GPC4: variants seen among roughly 807,000 people sequenced by gnomAD.
GPC4 encodes glypican-4.
A neutral mutation model predicts 35.0 loss-of-function variants in GPC4; 10 were observed. The ratio of observed to expected loss-of-function variants is 0.29; its 90% confidence interval spans 0.18 to 0.48. The LOEUF (loss-of-function observed/expected upper bound fraction) is 0.48, where lower values mean the gene tolerates loss of function less well. Among genes scored for constraint, GPC4 ranks in the 20% least tolerant of loss-of-function variants. The probability of loss-of-function intolerance (pLI) is 0.99; values close to 1 mark genes in which losing one functional copy is unlikely to be tolerated. For synonymous variants in GPC4, 167 were observed against 170.2 expected, an observed-to-expected ratio of 0.98 and a Z score of 0.15; for missense variants, 322 against 451.3, an observed-to-expected ratio of 0.71 and a Z score of 2.60.
rs757244060 is a variant in GPC4, at chrX:133,414,821, G to A, written c.145C>T (p.Leu49Phe). The A allele has an allele frequency of 8.3e-7, 1 of 1,210,323 alleles. No homozygotes were observed. Among genetic ancestry groups the A allele is most frequent in the Non-Finnish European group, 1.1e-6 (1 of 894,985 alleles). ...GCCCACCTACCGTTGATCTCGTGGA[G>A]GGGGGCATCGTTCTTGTTGAAGCCT... ...SKGFNKNDAPLHEINGDHLKI... is the reference protein window; with the variant it reads ...SKGFNKNDAPFHEINGDHLKI... Residue 49 changes from leucine (L) to phenylalanine (F), a missense_variant, in exon 1 of 9, where the codon CTC becomes TTC. Coordinates refer to ENST00000370828, the MANE Select transcript of GPC4 (RefSeq NM_001448.3).
intron 1 of GPC4, among the ~76,000 whole-genome samples, chrX:133,402,992 G>A (rs1603098740): frequency 2.7e-5 from 3 of 110,217 alleles, no homozygotes; most frequent in South Asian, 7.8e-4. Context: ...AACAGACAGC[G>A]TAAGAAGTAG....
At position 133,397,505 on chromosome X, in the gene GPC4, C is replaced by T. The variant is rs907695483; in HGVS notation, c.160+17301G>A. Reference sequence around the variant, plus strand: ...CTGGGAGGTTGAGGCTGCAGTGAGCCGTGATCACACCACTGCCCTCCAGGG... The same window carrying T: ...CTGGGAGGTTGAGGCTGCAGTGAGCTGTGATCACACCACTGCCCTCCAGGG... On this transcript the variant is annotated intron_variant, in intron 1 of 8. Coordinates refer to ENST00000370828, the MANE Select transcript of GPC4 (RefSeq NM_001448.3). Among the ~76,000 whole-genome samples the T allele has an allele frequency of 4.6e-5, 5 of 108,887 alleles. No homozygotes were observed. In the East Asian group the frequency reaches 1.2e-3, roughly 25 times the overall value. The allele number at this position is 108,887 out of a possible 115,157, so 94.6% of individuals were successfully genotyped here. A position where few individuals can be genotyped will look rare whatever the true frequency, so the allele number is the denominator to read the frequency against.
intron 1 of GPC4, among the ~76,000 whole-genome samples, chrX:133,379,309 A>G (rs1052380120): frequency 2.7e-5 from 3 of 112,488 alleles, no homozygotes; most frequent in African/African-American, 9.7e-5. Context: ...GAAAGAAACT[A>G]GACACAAAAG....
chrX:133,354,556 A>ATTTTTTTT (rs1569348986), intron 1 of GPC4, among the ~76,000 whole-genome samples: 8 of 91,326 alleles, frequency 8.8e-5, no homozygotes, highest in African/African-American at 4.1e-4. Context: ...TTATTTATTT[A>ATTTTTTTT]TTTATTTATT....
At chrX:133,332,903 T>C (rs369322613) in intron 2 of GPC4, among the ~76,000 whole-genome samples, 103 of 112,609 alleles carry the variant, frequency 9.1e-4, no homozygotes, top group African/African-American at 3.0e-3. Context: ...ACTAAATCAA[T>C]GAGTATGAAC....
chrX:133,303,335 C>G lies in GPC4; in HGVS notation c.1299G>C (p.Leu433=). The G allele has an allele frequency of 8.3e-7, 1 of 1,206,024 alleles. No individual in the cohort carries two copies. The highest frequency in any genetic ancestry group is 1.1e-6 in the Non-Finnish European group (1 of 892,738). Residue 433 remains leucine, a synonymous_variant, in exon 8 of 9, where the codon CTG becomes CTC. Coordinates refer to ENST00000370828, the MANE Select transcript of GPC4 (RefSeq NM_001448.3). ...CTAATCCATTTCCTGTCACTGCAAA[C>G]AGGTACCTGGAATGTAAAATGACCC... is the stretch of plus-strand genomic sequence containing the variant. ...CWNGKGKSRY[L]FAVTGNGLAN...
In GPC4 at chrX:133,342,809, GT is replaced by G. The variant is rs59935665; in HGVS notation, c.161-3469del. Among the ~76,000 whole-genome samples the G allele has an allele frequency of 2.3e-3, 248 of 106,312 alleles. 3 individuals are homozygous for G. Among genetic ancestry groups the G allele is most frequent in the Admixed American group, 0.016 (157 of 9,959 alleles). 92.3% of individuals were successfully genotyped at this position (106,312 alleles called of 115,157 possible). On this transcript the variant is annotated intron_variant, in intron 1 of 8. Transcript: ENST00000370828. ...TTTGAAGACTTGAGCAACTAATTAA[GT>G]TTTTTTTTTTAACTTGAATATTTCT...
chrX:133,347,212 C>T (rs911279492), intron 1 of GPC4, among the ~76,000 whole-genome samples: 2 of 98,332 alleles, frequency 2.0e-5, no homozygotes, highest in Non-Finnish European at 4.0e-5. Flanking sequence ...GTGCTATCTT[C>T]CCAACTTCTG....
chrX:133,339,202 T>G lies in GPC4; in HGVS notation c.300A>C (p.Ser100=). The G allele has an allele frequency of 8.3e-7, 1 of 1,211,561 alleles. No homozygotes were observed. The highest frequency in any genetic ancestry group is 1.1e-6 in the Non-Finnish European group (1 of 895,400). ...ACATACCATCAAACTTCTTGTAACG[T>G]GAAGCAAAGACAGCTTGCAAATGAT... is the stretch of plus-strand genomic sequence containing the variant. The part of the protein sequence containing the change: ...QCNHLQAVFA[S]RYKKFDEFFK... Residue 100 remains serine, a synonymous_variant, in exon 2 of 9, where the codon TCA becomes TCC. Transcript: ENST00000370828.
At chrX:133,412,846 C>T (rs150017626) in intron 1 of GPC4, among the ~76,000 whole-genome samples, 157 of 112,196 alleles carry the variant, frequency 1.4e-3, no homozygotes, top group African/African-American at 4.9e-3. Context: ...CGAAAGACTG[C>T]ACAGAGCAAA....
At position 133,306,281 on chromosome X, in the gene GPC4, A is replaced by C. The variant is rs112828921; in HGVS notation, c.878-127T>G. The C allele has an allele frequency of 5.8e-3, 4,078 of 697,845 alleles. 117 individuals are homozygous for C. In the African/African-American group the frequency reaches 0.076, roughly 13 times the overall value. 57.5% of individuals were successfully genotyped at this position (697,845 alleles called of 1,213,427 possible). A position where few individuals can be genotyped will look rare whatever the true frequency, so the allele number is the denominator to read the frequency against. ...TGGGGGCAGGGGAAGTAAGGCATGGATCATAATGAATTCTTGTTTTTATGT... is the reference window on the plus strand; with the variant it reads ...TGGGGGCAGGGGAAGTAAGGCATGGCTCATAATGAATTCTTGTTTTTATGT... On this transcript the variant is annotated intron_variant, in intron 4 of 8. Coordinates refer to ENST00000370828, the MANE Select transcript of GPC4 (RefSeq NM_001448.3).
At chrX:133,409,973 A>G (rs1041508620) in intron 1 of GPC4, among the ~76,000 whole-genome samples, 2 of 110,290 alleles carry the variant, frequency 1.8e-5, no homozygotes, top group African/African-American at 6.7e-5. Flanking sequence ...TTATCTTCCT[A>G]AAACAGCTTG....
intron 1 of GPC4, among the ~76,000 whole-genome samples, chrX:133,408,254 C>A (rs2068797928): frequency 8.9e-6 from 1 of 112,091 alleles, no homozygotes; most frequent in Non-Finnish European, 1.9e-5. Flanking sequence ...TATTCTGATA[C>A]CCTTCAAAGC....
At chrX:133,326,837 G>A (rs191455964) in intron 2 of GPC4, among the ~76,000 whole-genome samples, 134 of 112,597 alleles carry the variant, frequency 1.2e-3, no homozygotes, top group Non-Finnish European at 1.9e-3. Context: ...TTAAATGTAT[G>A]CAGTACTTTT....
chrX:133,412,427 AT>A (rs1451268134), intron 1 of GPC4, among the ~76,000 whole-genome samples: 2 of 111,595 alleles, frequency 1.8e-5, no homozygotes, highest in Non-Finnish European at 3.8e-5. Context: ...CATTTTTGTT[AT>A]TGTTGAAAGT....
At chrX:133,339,753 G>A (rs1282803233) in intron 1 of GPC4, among the ~76,000 whole-genome samples, 2 of 112,109 alleles carry the variant, frequency 1.8e-5, no homozygotes, top group African/African-American at 3.2e-5. Context: ...CCTTAATGAC[G>A]AATGGTTTAT....
intron 1 of GPC4, among the ~76,000 whole-genome samples, chrX:133,364,722 T>C (rs1388618012): frequency 8.9e-6 from 1 of 112,032 alleles, no homozygotes; most frequent in Non-Finnish European, 1.9e-5. Flanking sequence ...CTTTCAGAAA[T>C]GGTAAAGAGA....
chrX:133,313,171 A>T (rs1478758271), intron 3 of GPC4, among the ~76,000 whole-genome samples: 1 of 111,682 alleles, frequency 9.0e-6, no homozygotes, highest in African/African-American at 3.3e-5. Context: ...GTTACTTTGG[A>T]TATCACTTAT....
At chrX:133,384,780 T>C (rs779196570) in intron 1 of GPC4, among the ~76,000 whole-genome samples, 1 of 111,859 alleles carries the variant, frequency 8.9e-6, no homozygotes, top group Non-Finnish European at 1.9e-5. Flanking sequence ...AATCTCTTAA[T>C]AGCCAGTGTT....
Sources: gnomAD v4.1 joint callset for allele counts (sites outside exome capture counted in the v4.1 genomes callset) on GRCh38, gnomAD v4.1.1 for gene constraint, MANE v1.5 for transcripts, NCBI Gene and HGNC (gene_info 2026-07-23, HGNC 2026-07-21) for gene names.